The following POU5F2 variants were observed in gnomAD, a reference collection of about 807,000 sequenced individuals.
The protein encoded by POU5F2 is POU domain, class 5, transcription factor 2.
For synonymous variants in POU5F2, 191 were observed against 178.7 expected (o/e 1.07, Z -0.55); for missense variants, 401 against 426.6 (o/e 0.94, Z 0.53).
In POU5F2 at chr5:93,738,242, C is replaced by T. The variant is rs1469449634; in HGVS notation, c.*2335G>A. 1 of 155,804 alleles carries T rather than the reference C, an allele frequency of 6.4e-6. No homozygotes were observed. The highest frequency in any genetic ancestry group is 1.4e-5 in the Non-Finnish European group (1 of 70,414). 9.7% of individuals were successfully genotyped at this position (155,804 alleles called of 1,614,324 possible). ...ATTAGAGAAATACAAATCAAAACCA[C>T]AATGAGACACCACTTAACAGCTACC... On this transcript the variant is annotated 3_prime_UTR_variant, in exon 1 of 1. Coordinates refer to ENST00000606183, the MANE Select transcript of POU5F2 (RefSeq NM_153216.2).
rs377225323 is a variant in POU5F2, at chr5:93,740,940, C to A, written c.624G>T (p.Gln208His). The change falls in exon 1 of 1, where the codon CAG (glutamine) becomes CAT (histidine). Residue 208 changes from glutamine to histidine, a missense_variant. Physicochemically the swap from Gln to His is conservative, Grantham distance 24 (BLOSUM62 0). Transcript: ENST00000606183. ...GLCKMEMILQ[Q>H]SGKWRRASRE... ...TGCTTGCCCGTCTCCACTTCCCAGA[C>A]TGTTGCAGGATCATCTCCATTTTGC... 3 of 1,613,880 alleles carry A rather than the reference C, an allele frequency of 1.9e-6. No individual in the cohort carries two copies. Among genetic ancestry groups the A allele is most frequent in the Non-Finnish European group, 2.5e-6 (3 of 1,179,896 alleles).
rs1747177184 is a variant in POU5F2 at position 93,736,220 on chromosome 5, A to G, written c.*4357T>C. ...TCTTGAGTAAATAAACTGGGAACTC[A>G]AGCTAATCTTATACAAGTGTATATG... is the stretch of plus-strand genomic sequence containing the variant. On this transcript the variant is annotated 3_prime_UTR_variant, in exon 1 of 1. Transcript: ENST00000606183. 6.6e-6 allele frequency: 1 copy of G among 152,176 alleles called. No individual in the cohort carries two copies. The highest frequency in any genetic ancestry group is 3.2e-3 in the Middle Eastern group (1 of 316). The allele number at this position is 152,176 out of a possible 1,614,324, so 9.4% of individuals were successfully genotyped here.
At position 93,736,042 on chromosome 5, in the gene POU5F2, AG is replaced by A. The variant is rs1747139391; in HGVS notation, c.*4534del. 1 of 152,198 alleles carries A rather than the reference AG, an allele frequency of 6.6e-6. No individual in the cohort carries two copies. Among genetic ancestry groups the A allele is most frequent in the Non-Finnish European group, 1.5e-5 (1 of 68,040 alleles). The allele number at this position is 152,198 out of a possible 1,614,324, so 9.4% of individuals were successfully genotyped here. On this transcript the variant is annotated 3_prime_UTR_variant, in exon 1 of 1. Coordinates refer to ENST00000606183, the MANE Select transcript of POU5F2 (RefSeq NM_153216.2). ...ACTGATGTAGCCCTAAGGATAAAAA[AG>A]CTGTAGTGTGGAATTCATTTCCACA...
At position 93,739,996 on chromosome 5, in the gene POU5F2, G is replaced by GAAAAAAAAA. The variant is rs60935235; in HGVS notation, c.*572_*580dup. 1 of 62,902 alleles carries GAAAAAAAAA rather than the reference G, an allele frequency of 1.6e-5. No individual in the cohort carries two copies. 3.9% of individuals were successfully genotyped at this position (62,902 alleles called of 1,614,324 possible). A position where few individuals can be genotyped will look rare whatever the true frequency, so the allele number is the denominator to read the frequency against. On this transcript the variant is annotated 3_prime_UTR_variant, in exon 1 of 1. Coordinates refer to ENST00000606183, the MANE Select transcript of POU5F2 (RefSeq NM_153216.2). ...GCACCAGAAATGAAAAGGTAAATCA[G>GAAAAAAAAA]AAAAAAAAAAAAAAAAAAAAATCTT...
rs1228986258 is a variant in POU5F2 at position 93,736,315 on chromosome 5, G to T, written c.*4262C>A. On this transcript the variant is annotated 3_prime_UTR_variant, in exon 1 of 1. Transcript: ENST00000606183. ...TTATAGGTGTGTTCTGAAAACTAAA[G>T]TTGTTACAATTTGTTTATAATTAAG... The T allele has an allele frequency of 1.3e-5, 2 of 152,126 alleles. No homozygotes were observed. Among genetic ancestry groups the T allele is most frequent in the African/African-American group, 4.8e-5 (2 of 41,422 alleles). 9.4% of individuals were successfully genotyped at this position (152,126 alleles called of 1,614,324 possible). A position where few individuals can be genotyped will look rare whatever the true frequency, so the allele number is the denominator to read the frequency against.
At position 93,736,638 on chromosome 5, in the gene POU5F2, T is replaced by C. The variant is rs1580963972; in HGVS notation, c.*3939A>G. 1 of 152,162 alleles carries C rather than the reference T, an allele frequency of 6.6e-6. No homozygotes were observed. Among genetic ancestry groups the C allele is most frequent in the South Asian group, 2.1e-4 (1 of 4,830 alleles). The allele number at this position is 152,162 out of a possible 1,614,324, so 9.4% of individuals were successfully genotyped here. Reference sequence around the variant, plus strand: ...TTAGGTGTGGGTGCAATGGTGATGGTAGTACTGGGGAAGGAAGTAGTGGTA... The same window carrying C: ...TTAGGTGTGGGTGCAATGGTGATGGCAGTACTGGGGAAGGAAGTAGTGGTA... On this transcript the variant is annotated 3_prime_UTR_variant, in exon 1 of 1. Coordinates refer to ENST00000606183, the MANE Select transcript of POU5F2 (RefSeq NM_153216.2).
chr5:93,741,101 A>G lies in POU5F2; in HGVS notation c.463T>C (p.Phe155Leu), dbSNP rs911220828. The G allele has an allele frequency of 6.2e-6, 10 of 1,613,582 alleles. No individual in the cohort carries two copies. The highest frequency in any genetic ancestry group is 8.5e-6 in the Non-Finnish European group (10 of 1,179,854). Residue 155 changes from phenylalanine (F) to leucine (L), a missense_variant, in exon 1 of 1, where the codon TTT (phenylalanine) becomes CTT (leucine). Phe to Leu is a conservative substitution (Grantham distance 22). Transcript: ENST00000606183. ...ADVGIAVGAL[F>L]GKVLSQTTIC... ...GTCGTCTGGCTAAGCACCTTCCCAA[A>G]CAGAGCTCCCACAGCGATCCCCACA... is the stretch of plus-strand genomic sequence containing the variant.
At position 93,741,198 on chromosome 5, in the gene POU5F2, T is replaced by C. The variant is rs1459123122; in HGVS notation, c.366A>G (p.Ile122Met). 27 of 1,613,760 alleles carry C rather than the reference T, an allele frequency of 1.7e-5. No homozygotes were observed. The highest frequency in any genetic ancestry group is 2.3e-5 in the Non-Finnish European group (27 of 1,179,886). Residue 122 changes from isoleucine to methionine, a missense_variant, in exon 1 of 1, where the codon ATA becomes ATG. Ile to Met is a conservative substitution (Grantham distance 10). Transcript: ENST00000606183. Reference sequence around the variant, plus strand: ...TGGCCAATTGCTGCAACTCTTTCAGTATGCCCGAGATGTCCTCTGGCGGCG... The same window carrying C: ...TGGCCAATTGCTGCAACTCTTTCAGCATGCCCGAGATGTCCTCTGGCGGCG... Reference protein sequence around the residue: ...KLPPPEDISGILKELQQLAKE... With the variant: ...KLPPPEDISGMLKELQQLAKE...
chr5:93,739,766 G>C lies in POU5F2; in HGVS notation c.*811C>G, dbSNP rs1051033382. On this transcript the variant is annotated 3_prime_UTR_variant, in exon 1 of 1. Transcript: ENST00000606183. ...TCTCAAAACCATTATAAGAGATCAAGAGAAAGTAAGGGAAATTCCCAGGGA... is the reference window on the plus strand; with the variant it reads ...TCTCAAAACCATTATAAGAGATCAACAGAAAGTAAGGGAAATTCCCAGGGA... The C allele has an allele frequency of 1.3e-5, 2 of 152,110 alleles. No homozygotes were observed. The highest frequency in any genetic ancestry group is 2.4e-5 in the African/African-American group (1 of 41,414). 9.4% of individuals were successfully genotyped at this position (152,110 alleles called of 1,614,324 possible).
In POU5F2 at chr5:93,737,379, A is replaced by G. The variant is rs1747438343; in HGVS notation, c.*3198T>C. ...CTCCCTAAAGCAATATGAGGGTTCA[A>G]TGCACTCTGTAACAAAATCTCAATG... On this transcript the variant is annotated 3_prime_UTR_variant, in exon 1 of 1. Transcript: ENST00000606183. 1 of 152,190 alleles carries G rather than the reference A, an allele frequency of 6.6e-6. No individual in the cohort carries two copies. The highest frequency in any genetic ancestry group is 2.4e-5 in the African/African-American group (1 of 41,458). The allele number at this position is 152,190 out of a possible 1,614,324, so 9.4% of individuals were successfully genotyped here.
Position 93,741,378 on chromosome 5 carries a change from C to A in POU5F2, c.186G>T (p.Arg62Ser), listed in dbSNP as rs1267205708. Residue 62 changes from arginine (R) to serine (S), a missense_variant, in exon 1 of 1, where the codon AGG becomes AGT. Arg to Ser is a moderately radical substitution (Grantham distance 110, BLOSUM62 -1). Transcript: ENST00000606183. ...PGICPGPDVW[R>S]IPLGPLPHEF... ...CGTGTGGCAGGGGACCCAGGGGAAT[C>A]CTCCACACGTCAGGGCCTGGGCAGA... The A allele has an allele frequency of 6.2e-6, 10 of 1,612,340 alleles. No homozygotes were observed. The highest frequency in any genetic ancestry group is 2.2e-5 in the East Asian group (1 of 44,824).
rs1034238294 is a variant in POU5F2 at position 93,738,752 on chromosome 5, C to A, written c.*1825G>T. ...TTCCATGAATATGAACTGCTTAGAA[C>A]TGGCAAATTCACAGAAAGGTTACCA... On this transcript the variant is annotated 3_prime_UTR_variant, in exon 1 of 1. Transcript: ENST00000606183. 1 of 152,176 alleles carries A rather than the reference C, an allele frequency of 6.6e-6. No individual in the cohort carries two copies. Among genetic ancestry groups the A allele is most frequent in the African/African-American group, 2.4e-5 (1 of 41,432 alleles). 9.4% of individuals were successfully genotyped at this position (152,176 alleles called of 1,614,324 possible).
In POU5F2 at chr5:93,738,538, A is replaced by G. The variant is rs889302334; in HGVS notation, c.*2039T>C. On this transcript the variant is annotated 3_prime_UTR_variant, in exon 1 of 1. Transcript: ENST00000606183. The stretch of plus-strand genomic sequence containing the variant: ...TATCATTCACAATAGCCCATTGGCT[A>G]TTAATGAAAACAATCTAAGTGCCCA... 4.6e-5 allele frequency: 7 copies of G among 152,254 alleles called. No homozygotes were observed. The highest frequency in any genetic ancestry group is 1.7e-4 in the African/African-American group (7 of 41,464). 9.4% of individuals were successfully genotyped at this position (152,254 alleles called of 1,614,324 possible).
chr5:93,735,924 G>C lies in POU5F2; in HGVS notation c.*4653C>G, dbSNP rs10061069. Reference sequence around the variant, plus strand: ...TTGATGATGTTGTGGATTCACTGTAGTGAGTTTGGTCCAAGAACCAGAAGA... The same window carrying C: ...TTGATGATGTTGTGGATTCACTGTACTGAGTTTGGTCCAAGAACCAGAAGA... On this transcript the variant is annotated 3_prime_UTR_variant, in exon 1 of 1. Transcript: ENST00000606183. 0.27 allele frequency: 41,205 copies of C among 151,750 alleles called. 6,989 individuals carry two copies. Among genetic ancestry groups the C allele is most frequent in the African/African-American group, 0.47 (19,527 of 41,260 alleles). The allele number at this position is 151,750 out of a possible 1,614,324, so 9.4% of individuals were successfully genotyped here.
rs140792554 is a variant in POU5F2, at chr5:93,736,888, A to C, written c.*3689T>G. 1.5e-4 allele frequency: 23 copies of C among 152,334 alleles called. No homozygotes were observed. The highest frequency in any genetic ancestry group is 5.3e-4 in the African/African-American group (22 of 41,584). 9.4% of individuals were successfully genotyped at this position (152,334 alleles called of 1,614,324 possible). ...GACTAAAAGTTTTTCTCCTAAGAACAAAAACAAGACAAGGATGTCCTCTTC... is the reference window on the plus strand; with the variant it reads ...GACTAAAAGTTTTTCTCCTAAGAACCAAAACAAGACAAGGATGTCCTCTTC... On this transcript the variant is annotated 3_prime_UTR_variant, in exon 1 of 1. Transcript: ENST00000606183.
In POU5F2 at chr5:93,737,528, C is replaced by A. The variant is rs1483940764; in HGVS notation, c.*3049G>T. The A allele has an allele frequency of 6.5e-6, 1 of 152,738 alleles. No individual in the cohort carries two copies. The highest frequency in any genetic ancestry group is 6.6e-5 in the Admixed American group (1 of 15,198). 9.5% of individuals were successfully genotyped at this position (152,738 alleles called of 1,614,324 possible). ...TATATATGCCATATATATATACGTG[C>A]CATATATATATATATGGAAGAACAA... is the stretch of plus-strand genomic sequence containing the variant. On this transcript the variant is annotated 3_prime_UTR_variant, in exon 1 of 1. Coordinates refer to ENST00000606183, the MANE Select transcript of POU5F2 (RefSeq NM_153216.2).
Position 93,740,480 on chromosome 5 carries a change from A to T in POU5F2, c.*97T>A. On this transcript the variant is annotated 3_prime_UTR_variant, in exon 1 of 1. Coordinates refer to ENST00000606183, the MANE Select transcript of POU5F2 (RefSeq NM_153216.2). ...TTCTTTAGACAGTGAATGAGAAATTAATACTAAAAGCCCTCAAATGAACCC... is the reference window on the plus strand; with the variant it reads ...TTCTTTAGACAGTGAATGAGAAATTTATACTAAAAGCCCTCAAATGAACCC... 1 of 1,302,042 alleles carries T rather than the reference A, an allele frequency of 7.7e-7. No homozygotes were observed. The highest frequency in any genetic ancestry group is 1.1e-6 in the Non-Finnish European group (1 of 945,042). The allele number at this position is 1,302,042 out of a possible 1,614,324, so 80.7% of individuals were successfully genotyped here.
chr5:93,740,392 A>T lies in POU5F2; in HGVS notation c.*185T>A. 1 of 613,200 alleles carries T rather than the reference A, an allele frequency of 1.6e-6. No homozygotes were observed. The highest frequency in any genetic ancestry group is 2.7e-6 in the Non-Finnish European group (1 of 364,274). The allele number at this position is 613,200 out of a possible 1,614,324, so 38.0% of individuals were successfully genotyped here. A position where few individuals can be genotyped will look rare whatever the true frequency, so the allele number is the denominator to read the frequency against. On this transcript the variant is annotated 3_prime_UTR_variant, in exon 1 of 1. Coordinates refer to ENST00000606183, the MANE Select transcript of POU5F2 (RefSeq NM_153216.2). ...AAAACACAAAACTGCAATAAACTTC[A>T]TCTTCTCTCCCAGGTTTTTCTTGAA...
At chr5:93,741,033 CAT>C in the POU5F2 span, 1 of 1,613,898 alleles carries the variant, frequency 6.2e-7, no homozygotes, top group Non-Finnish European at 8.5e-7. Context: ...GCAGCTTCCA[CAT>C]GTTGGCGACG....
Sources: gnomAD v4.1 joint callset for allele counts on GRCh38, gnomAD v4.1.1 for gene constraint, MANE v1.5 for transcripts, NCBI Gene and HGNC (gene_info 2026-07-23, HGNC 2026-07-21) for gene names.